Variants in NTN1 observed in about 807,000 individuals in gnomAD.
NTN1 encodes the protein netrin 1, also known as netrin-1.
NTN1 carries 11 observed loss-of-function variants against 54.2 expected under a neutral mutation model. The observed-to-expected ratio is 0.20, with a 90% CI of 0.13 to 0.34. The LOEUF is 0.34. Ranked by LOEUF, NTN1 falls within the 10% of genes least tolerant of loss-of-function variation. The pLI, the probability that NTN1 is intolerant of heterozygous loss-of-function variation, is 1.00. For missense variants in NTN1, 740 were observed against 893.1 expected (o/e 0.83, Z 2.18); for synonymous variants, 371 against 382.0 (o/e 0.97, Z 0.33).
In NTN1 at chr17:9,239,563, C is replaced by T; in HGVS notation, c.1487-77C>T. On this transcript the variant is annotated intron_variant, in intron 6 of 6. Coordinates refer to ENST00000173229, the MANE Select transcript of NTN1 (RefSeq NM_004822.3). This position sits in a 1 kb window ranked among gnomAD's most constrained non-coding sequence, Gnocchi z 5.2. ...CTTCCTGGGGCTGGGTCTCCTTTCC[C>T]TTCTCCCCAGGCTCAGGCAGGGCGG... The T allele has an allele frequency of 6.8e-7, 1 of 1,463,070 alleles. No individual in the cohort carries two copies. The highest frequency in any genetic ancestry group is 9.4e-7 in the Non-Finnish European group (1 of 1,065,358). 90.6% of individuals were successfully genotyped at this position (1,463,070 alleles called of 1,614,324 possible). A position where few individuals can be genotyped will look rare whatever the true frequency, so the allele number is the denominator to read the frequency against.
intron 5 of NTN1, among the ~76,000 whole-genome samples, chr17:9,191,887 AAAAAT>A (rs1904470747): frequency 7.1e-6 from 1 of 141,352 alleles, no homozygotes; most frequent in African/African-American, 2.6e-5. Context: ...AAAAAAAAAA[AAAAAT>A]CCAGGGGTGT....
Position 9,221,113 on chromosome 17 carries a change from A to C in NTN1, c.1412-55A>C. Reference sequence around the variant, plus strand: ...GGCCTCCTACTCTGCCCGCCAGCCTATTCATCGCCAGCCTAATTAGTTTTT... The same window carrying C: ...GGCCTCCTACTCTGCCCGCCAGCCTCTTCATCGCCAGCCTAATTAGTTTTT... On this transcript the variant is annotated intron_variant, in intron 5 of 6. Transcript: ENST00000173229. The surrounding 1 kb of genome is among the most constrained non-coding windows in gnomAD (Gnocchi z 4.5). The C allele has an allele frequency of 2.2e-4, 249 of 1,133,996 alleles. No homozygotes were observed. Among genetic ancestry groups the C allele is most frequent in the Non-Finnish European group, 3.0e-4 (226 of 743,462 alleles). The allele number at this position is 1,133,996 out of a possible 1,614,324, so 70.2% of individuals were successfully genotyped here.
chr17:9,159,929 AAAGGTGGTTC>A (rs1219461142), intron 2 of NTN1, among the ~76,000 whole-genome samples: 1 of 152,226 alleles, frequency 6.6e-6, no homozygotes, highest in African/African-American at 2.4e-5. Context: ...ATATATGTTC[AAAGGTGGTTC>A]AAGGTGGTTA....
intron 2 of NTN1, among the ~76,000 whole-genome samples, chr17:9,050,477 C>T (rs1173552586): frequency 2.0e-5 from 3 of 151,326 alleles, no homozygotes; most frequent in Non-Finnish European, 2.9e-5. Flanking sequence ...TGAGACCAGC[C>T]TGGCCAACAG....
intron 2 of NTN1, among the ~76,000 whole-genome samples, chr17:9,033,673 T>C (rs1055309132): frequency 1.1e-4 from 16 of 152,196 alleles, no homozygotes; most frequent in African/African-American, 1.2e-4. Context: ...ATCCCAGCAC[T>C]TCGGGAGGCC....
At chr17:9,009,924 C>T in the NTN1 span, among the ~76,000 whole-genome samples, 1,094 of 152,264 alleles carry the variant, frequency 7.2e-3, 14 homozygotes, top group African/African-American at 0.025. Flanking sequence ...ACCTCCCTGA[C>T]GTCAGTTTCC....
At chr17:9,037,314 C>T (rs1404493001) in intron 2 of NTN1, among the ~76,000 whole-genome samples, 1 of 152,118 alleles carries the variant, frequency 6.6e-6, no homozygotes, top group Non-Finnish European at 1.5e-5. Context: ...GATGGATGAT[C>T]TCAACTTCTT....
chr17:9,195,192 A>ACCGGCCCCCCCCCCCCCCCCCCCC (rs3031881), intron 5 of NTN1, among the ~76,000 whole-genome samples: 1 of 142,400 alleles, frequency 7.0e-6, no homozygotes. Flanking sequence ...GGCGAGCTCT[A>ACCGGCCCCCCCCCCCCCCCCCCCC]CCACCCCTCC....
intron 2 of NTN1, among the ~76,000 whole-genome samples, chr17:9,024,779 C>A (rs921656028): frequency 1.3e-5 from 2 of 152,214 alleles, no homozygotes; most frequent in South Asian, 4.1e-4. Flanking sequence ...CTCTTGCAGA[C>A]ATAATTGTTT....
intron 2 of NTN1, among the ~76,000 whole-genome samples, chr17:9,036,068 C>G (rs59020675): frequency 0.43 from 65,544 of 151,874 alleles, 14,748 homozygotes; most frequent in East Asian, 0.71. Flanking sequence ...ACTATGTTAC[C>G]CAGGCTGGTC....
chr17:9,198,092 G>A (rs986403217), intron 5 of NTN1, among the ~76,000 whole-genome samples: 16 of 152,158 alleles, frequency 1.1e-4, no homozygotes, highest in Non-Finnish European at 5.9e-5. Flanking sequence ...AACCTCAGGG[G>A]GCCCGAGACA....
rs1905285976 is a variant in NTN1 at position 9,219,576 on chromosome 17, A to G, written c.1412-1592A>G. On this transcript the variant is annotated intron_variant, in intron 5 of 6. Coordinates refer to ENST00000173229, the MANE Select transcript of NTN1 (RefSeq NM_004822.3). This position sits in a 1 kb window ranked among gnomAD's most constrained non-coding sequence, Gnocchi z 4.5. ...CTGCATTGATCTTCATTGAGGCACC[A>G]GTCAATGTATCTCAGGACCTCGATG... is the stretch of plus-strand genomic sequence containing the variant. Among the ~76,000 whole-genome samples the G allele has an allele frequency of 6.6e-6, 1 of 152,228 alleles. No homozygotes were observed. The highest frequency in any genetic ancestry group is 1.5e-5 in the Non-Finnish European group (1 of 68,034).
chr17:9,079,651 C>T (rs1457659915), intron 2 of NTN1, among the ~76,000 whole-genome samples: 1 of 151,972 alleles, frequency 6.6e-6, no homozygotes, highest in Non-Finnish European at 1.5e-5. Flanking sequence ...GTTTCCTGGC[C>T]TTGGAGGAAG....
intron 6 of NTN1, among the ~76,000 whole-genome samples, chr17:9,224,927 C>T (rs1425556832): frequency 6.6e-6 from 1 of 152,156 alleles, no homozygotes; most frequent in East Asian, 1.9e-4. Flanking sequence ...TGACACTCTC[C>T]CTGTGATTCC....
At chr17:9,053,847 G>A (rs921069686) in intron 2 of NTN1, among the ~76,000 whole-genome samples, 5 of 152,214 alleles carry the variant, frequency 3.3e-5, no homozygotes, top group African/African-American at 4.8e-5. Context: ...GGAGCTAGTG[G>A]CTTCACAGGT....
intron 3 of NTN1, among the ~76,000 whole-genome samples, chr17:9,166,573 T>C (rs11652063): frequency 6.6e-6 from 1 of 151,840 alleles, no homozygotes; most frequent in Admixed American, 6.6e-5. Flanking sequence ...AACTCCTGAC[T>C]TCAGGTGATC....
At chr17:9,030,757 A>G (rs2091886212) in intron 2 of NTN1, among the ~76,000 whole-genome samples, 1 of 152,162 alleles carries the variant, frequency 6.6e-6, no homozygotes, top group South Asian at 2.1e-4. Context: ...AAGAAAAGAA[A>G]AAAAAAAGAA....
chr17:9,103,155 G>A (rs1235351549), intron 2 of NTN1, among the ~76,000 whole-genome samples: 1 of 152,190 alleles, frequency 6.6e-6, no homozygotes, highest in Admixed American at 6.5e-5. Context: ...GCTAAAAAGT[G>A]ATTGACAGGG....
intron 2 of NTN1, among the ~76,000 whole-genome samples, chr17:9,045,452 C>G (rs1334734858): frequency 6.6e-6 from 1 of 152,222 alleles, no homozygotes; most frequent in Non-Finnish European, 1.5e-5. Context: ...CCATAGGCAG[C>G]TTCCTACAGA....
Sources: allele counts gnomAD v4.1 joint callset (sites outside exome capture counted in the v4.1 genomes callset), GRCh38; gene constraint gnomAD v4.1.1; non-coding constraint Gnocchi (gnomAD v3.1); transcripts MANE v1.5; gene names NCBI Gene and HGNC (gene_info 2026-07-23, HGNC 2026-07-21).